Variants in ZNF112 observed in about 807,000 individuals in gnomAD.
ZNF112 encodes the protein zinc finger protein 112.
Under a neutral mutation model 77.7 loss-of-function variants are expected in ZNF112, and 37 were observed. The observed-to-expected ratio is 0.48, with a 90% confidence interval of 0.37 to 0.63. The LOEUF (loss-of-function observed/expected upper bound fraction) is 0.63, where lower values mean the gene tolerates loss of function less well. ZNF112 is among the 20% of genes least tolerant of loss of function. The pLI is 0.00. For missense variants in ZNF112, 950 were observed against 1,077.4 expected, an observed-to-expected ratio of 0.88 and a Z score of 1.66; for synonymous variants, 333 against 363.6, an observed-to-expected ratio of 0.92 and a Z score of 0.96.
upstream of ZNF112, among the ~76,000 whole-genome samples, chr19:44,359,329 T>C (rs929996962): frequency 7.7e-6 from 1 of 130,466 alleles, no homozygotes; most frequent in African/African-American, 2.9e-5. Context: ...TTTTTTTTTT[T>C]TTTTTTTTTT....
At position 44,328,907 on chromosome 19, in the gene ZNF112, C is replaced by T. The variant is rs1970199824; in HGVS notation, c.1250G>A (p.Ser417Asn). The change falls in exon 4 of 4, where the codon AGT (serine) becomes AAT (asparagine). Residue 417 changes from serine to asparagine, a missense_variant. Ser to Asn is a conservative substitution (Grantham distance 46, BLOSUM62 1). Transcript: ENST00000354340. The part of the protein sequence containing the change: ...KLYTDIEYGK[S>N]FICSSNLDIQ... ...GTCAAGATTTGAACTACAAATGAAA[C>T]TCTTTCCATACTCTATATCTGTGTA... 32 of 1,613,984 alleles carry T rather than the reference C, an allele frequency of 2.0e-5. No homozygotes were observed. The highest frequency in any genetic ancestry group is 2.6e-5 in the Non-Finnish European group (31 of 1,179,976).
chr19:44,340,525 C>A lies in ZNF112; in HGVS notation c.15G>T (p.Lys5Asn). 6.2e-7 allele frequency: 1 copy of A among 1,614,000 alleles called. No homozygotes were observed. The highest frequency in any genetic ancestry group is 8.5e-7 in the Non-Finnish European group (1 of 1,179,934). Residue 5 changes from lysine to asparagine, a missense_variant, in exon 2 of 4, where the codon AAG (lysine) becomes AAT (asparagine). Physicochemically the swap from Lys to Asn is moderately conservative, Grantham distance 94. Coordinates refer to ENST00000354340, the MANE Select transcript of ZNF112 (RefSeq NM_013380.4). MVTF[K>N]DVAVVFTEEE... ...CCTCAGTGAAGACCACAGCAACATC[C>A]TTGAATGTCACCATCTCCTACAATG...
intron 1 of ZNF112, among the ~76,000 whole-genome samples, chr19:44,343,920 C>T (rs1174889972): frequency 6.6e-6 from 1 of 152,152 alleles, no homozygotes; most frequent in Non-Finnish European, 1.5e-5. Context: ...TGCTCTGTCC[C>T]GGGAAAGTCA....
At chr19:44,343,182 G>C (rs1970522857) in intron 1 of ZNF112, 1 of 1,544,302 alleles carries the variant, frequency 6.5e-7, no homozygotes, top group South Asian at 1.2e-5. Flanking sequence ...GGCAAAGAAG[G>C]GGGAAAAAGA....
At position 44,340,458 on chromosome 19, in the gene ZNF112, G is replaced by A. The variant is rs375301079; in HGVS notation, c.82C>T (p.Arg28Ter). Residue 28 changes from arginine (R) to a stop codon, truncating the protein, a stop_gained, in exon 2 of 4, where the codon CGA becomes TGA. Coordinates refer to ENST00000354340, the MANE Select transcript of ZNF112 (RefSeq NM_013380.4). LOFTEE classifies it high-confidence loss of function. ...LLDSVQRKLYRDVMLENFRNL... is the reference protein window; with the variant it reads ...LLDSVQRKLY ...CTGAAGTTCTCCAGCATCACATCTC[G>A]GTACAGCTTCCTCTGGACAGAGTCC... 5.6e-6 allele frequency: 9 copies of A among 1,614,010 alleles called. No homozygotes were observed. The highest frequency in any genetic ancestry group is 5.9e-6 in the Non-Finnish European group (7 of 1,179,952).
chr19:44,348,812 A>C (rs192672287), intron 1 of ZNF112, among the ~76,000 whole-genome samples: 1 of 152,278 alleles, frequency 6.6e-6, no homozygotes, highest in Admixed American at 6.5e-5. Context: ...AATGTATAGC[A>C]ATGATGCATA....
chr19:44,337,357 ATATATTAT>A (rs1337941297), intron 2 of ZNF112, among the ~76,000 whole-genome samples: 52 of 58,572 alleles, frequency 8.9e-4, no homozygotes, highest in African/African-American at 3.8e-3. Context: ...TGTGTAAAAT[ATATATTAT>A]TATATATATT....
intron 1 of ZNF112, among the ~76,000 whole-genome samples, chr19:44,350,471 T>C (rs574255629): frequency 3.9e-5 from 6 of 152,180 alleles, no homozygotes; most frequent in African/African-American, 9.6e-5. Context: ...GATATAATAC[T>C]GAATGACATT....
upstream of ZNF112, among the ~76,000 whole-genome samples, chr19:44,360,014 T>C (rs1190114744): frequency 6.6e-6 from 1 of 151,890 alleles, no homozygotes; most frequent in East Asian, 1.9e-4. Context: ...CCCAGCACTT[T>C]GTGGGGCTAA....
chr19:44,335,586 A>G (rs1158457446), intron 3 of ZNF112, among the ~76,000 whole-genome samples: 2 of 152,220 alleles, frequency 1.3e-5, no homozygotes, highest in African/African-American at 2.4e-5. Flanking sequence ...GTTTCTGTAC[A>G]ACCCAGGAGC....
intron 1 of ZNF112, among the ~76,000 whole-genome samples, chr19:44,356,152 A>G (rs1326105917): frequency 1.3e-5 from 2 of 152,168 alleles, no homozygotes; most frequent in African/African-American, 4.8e-5. Flanking sequence ...CTTTCAGGGA[A>G]CTGAGTCCTT....
intron 3 of ZNF112, among the ~76,000 whole-genome samples, chr19:44,335,864 G>A (rs936283329): frequency 6.6e-6 from 1 of 152,178 alleles, no homozygotes; most frequent in Non-Finnish European, 1.5e-5. Flanking sequence ...TGCGACGGTG[G>A]CTTTTGATGT....
rs1166857610 is a variant in ZNF112, at chr19:44,327,333, G to A, written c.*100C>T. On this transcript the variant is annotated 3_prime_UTR_variant, in exon 4 of 4. Coordinates refer to ENST00000354340, the MANE Select transcript of ZNF112 (RefSeq NM_013380.4). Reference sequence around the variant, plus strand: ...GTGTGGTCTCCTGGCCATTATGAATGTTGAAGTTGGGCAGCAACATTACAT... The same window carrying A: ...GTGTGGTCTCCTGGCCATTATGAATATTGAAGTTGGGCAGCAACATTACAT... 12 of 954,918 alleles carry A rather than the reference G, an allele frequency of 1.3e-5. No homozygotes were observed. The highest frequency in any genetic ancestry group is 1.7e-5 in the African/African-American group (1 of 59,996). 59.2% of individuals were successfully genotyped at this position (954,918 alleles called of 1,614,324 possible).
Position 44,329,548 on chromosome 19 carries a change from C to T in ZNF112, c.609G>A (p.Lys203=). The T allele has an allele frequency of 1.2e-6, 2 of 1,614,118 alleles. No individual in the cohort carries two copies. Among genetic ancestry groups the T allele is most frequent in the Non-Finnish European group, 1.7e-6 (2 of 1,180,008 alleles). The change falls in exon 4 of 4, where the codon AAG becomes AAA. Residue 203 remains lysine, a synonymous_variant. Coordinates refer to ENST00000354340, the MANE Select transcript of ZNF112 (RefSeq NM_013380.4). ...QQISMKNHFC[K]CDSVSWLSHH... ...GTGAGAGCCAACTGACACTGTCACA[C>T]TTACAGAAATGATTTTTCATGGAAA...
intron 1 of ZNF112, among the ~76,000 whole-genome samples, chr19:44,342,069 T>C (rs1220944610): frequency 6.6e-6 from 1 of 152,230 alleles, no homozygotes; most frequent in East Asian, 1.9e-4. Context: ...GGGCCATGAA[T>C]AGTGTGACAG....
chr19:44,330,101 G>C (rs1250350343), intron 3 of ZNF112, among the ~76,000 whole-genome samples, 165 bp from the exon 4 acceptor site: 1 of 152,086 alleles, frequency 6.6e-6, no homozygotes, highest in African/African-American at 2.4e-5. Flanking sequence ...GGCTATACCA[G>C]TTACAGGTTG....
At chr19:44,336,276 GA>G (rs1198178615) in intron 3 of ZNF112, among the ~76,000 whole-genome samples, 1 of 152,156 alleles carries the variant, frequency 6.6e-6, no homozygotes, top group Non-Finnish European at 1.5e-5. Context: ...AGGGTGAATT[GA>G]AGAGAGCAAA....
intron 3 of ZNF112, among the ~76,000 whole-genome samples, chr19:44,334,311 C>T (rs7507317): frequency 6.6e-6 from 1 of 152,104 alleles, no homozygotes; most frequent in Non-Finnish European, 1.5e-5. Flanking sequence ...ACAGCATATG[C>T]TCATATTTAT....
upstream of ZNF112, among the ~76,000 whole-genome samples, chr19:44,356,853 G>A (rs1340372823): frequency 6.6e-6 from 1 of 152,228 alleles, no homozygotes; most frequent in Non-Finnish European, 1.5e-5. Context: ...CAAGTACCGG[G>A]TGCCAAGCTG....
Sources: gnomAD v4.1 joint callset for allele counts (sites outside exome capture counted in the v4.1 genomes callset) on GRCh38, gnomAD v4.1.1 for gene constraint, MANE v1.5 for transcripts, NCBI Gene and HGNC (gene_info 2026-07-23, HGNC 2026-07-21) for gene names.